Variants in OR2L13 observed in about 807,000 individuals in gnomAD.
OR2L13 encodes olfactory receptor family 2 subfamily L member 13, also known as olfactory receptor 2L13.
A neutral mutation model predicts 15.3 loss-of-function variants in OR2L13; 14 were observed. The observed-to-expected ratio is 0.91, with a 90% CI of 0.60 to 1.43. The LOEUF (loss-of-function observed/expected upper bound fraction) is 1.43, where lower values mean the gene tolerates loss of function less well. Ranked by LOEUF, OR2L13 falls within the 40% of genes most tolerant of loss-of-function variation. OR2L13 has a pLI of 0.00. For synonymous variants in OR2L13, 152 were observed against 142.9 expected, an observed-to-expected ratio of 1.06 and a Z score of -0.45; for missense variants, 367 against 387.9, an observed-to-expected ratio of 0.95 and a Z score of 0.45.
At chr1:247,979,915 T>C in the OR2L13 span, among the ~76,000 whole-genome samples, 2 of 152,202 alleles carry the variant, frequency 1.3e-5, no homozygotes, top group Non-Finnish European at 2.9e-5. Flanking sequence ...GAAATTTTCT[T>C]TGCTACCTAC....
the OR2L13 span, among the ~76,000 whole-genome samples, chr1:248,087,125 A>T: frequency 2.0e-5 from 3 of 152,118 alleles, no homozygotes; most frequent in Admixed American, 2.0e-4. Flanking sequence ...CCTACCCTCC[A>T]CAAAGGCAGT....
the OR2L13 span, among the ~76,000 whole-genome samples, chr1:248,076,287 T>C: frequency 6.6e-6 from 1 of 152,220 alleles, no homozygotes; most frequent in Non-Finnish European, 1.5e-5. Context: ...GCGTGATGCC[T>C]CCAGCTTTGT....
upstream of OR2L13, among the ~76,000 whole-genome samples, chr1:248,091,336 T>C (rs1225899452): frequency 2.0e-5 from 3 of 152,196 alleles, no homozygotes; most frequent in East Asian, 5.8e-4. Context: ...AATTTTAGTA[T>C]CTTCATTGTA....
exon 3 of OR2L13, chr1:248,100,592 A>C (rs1265679589): frequency 5.5e-6 from 1 of 181,710 alleles, no homozygotes; most frequent in African/African-American, 2.4e-5. Flanking sequence ...TTAACGTGAT[A>C]ATGTTTATTC....
At chr1:248,082,455 A>C in the OR2L13 span, among the ~76,000 whole-genome samples, 1 of 150,954 alleles carries the variant, frequency 6.6e-6, no homozygotes, top group African/African-American at 2.4e-5. Context: ...ATATGTAACT[A>C]ACCTGCACAA....
chr1:248,055,356 A>G, the OR2L13 span, among the ~76,000 whole-genome samples: 69 of 151,996 alleles, frequency 4.5e-4, no homozygotes, highest in African/African-American at 1.6e-3. Context: ...TATATTGAGT[A>G]TGTTTGCATT....
the OR2L13 span, among the ~76,000 whole-genome samples, chr1:248,009,204 C>CA: frequency 1.3e-5 from 2 of 151,428 alleles, no homozygotes; most frequent in Non-Finnish European, 1.5e-5. Context: ...GATAGAGACT[C>CA]AAAAAATCCT....
chr1:248,031,508 G>T, the OR2L13 span, among the ~76,000 whole-genome samples: 1 of 152,198 alleles, frequency 6.6e-6, no homozygotes, highest in Non-Finnish European at 1.5e-5. Context: ...TCTTTTAATG[G>T]GGTCTTGGTG....
At chr1:248,096,490 A>G (rs975363352), upstream of OR2L13, among the ~76,000 whole-genome samples, 4 of 152,214 alleles carry the variant, frequency 2.6e-5, no homozygotes, top group African/African-American at 2.4e-5. Flanking sequence ...TGACATTAAT[A>G]AAAACATTTT....
chr1:247,991,016 A>G, the OR2L13 span: 4 of 1,527,188 alleles, frequency 2.6e-6, no homozygotes, highest in Non-Finnish European at 3.6e-6. Flanking sequence ...GTGACTTTCT[A>G]CTATGCACCC....
At chr1:247,984,838 G>C in the OR2L13 span, among the ~76,000 whole-genome samples, 1 of 151,810 alleles carries the variant, frequency 6.6e-6, no homozygotes, top group Non-Finnish European at 1.5e-5. Flanking sequence ...CTCCAGAACA[G>C]TTTCATTGTC....
the OR2L13 span, among the ~76,000 whole-genome samples, chr1:247,974,577 T>C: frequency 6.6e-6 from 1 of 152,128 alleles, no homozygotes. Context: ...TTATCATAAG[T>C]ATATATGGAT....
chr1:248,059,890 G>T, the OR2L13 span, among the ~76,000 whole-genome samples: 1 of 151,976 alleles, frequency 6.6e-6, no homozygotes, highest in Non-Finnish European at 1.5e-5. Context: ...AAAATAGAAA[G>T]TTAACTAGGT....
At chr1:248,048,260 T>C in the OR2L13 span, among the ~76,000 whole-genome samples, 1 of 152,226 alleles carries the variant, frequency 6.6e-6, no homozygotes, top group African/African-American at 2.4e-5. Context: ...TTTATATTCT[T>C]TACTCCTTTA....
the OR2L13 span, among the ~76,000 whole-genome samples, chr1:247,954,268 A>G: frequency 1.9e-4 from 29 of 152,304 alleles, no homozygotes; most frequent in African/African-American, 6.0e-4. Context: ...CTGGAAAAAA[A>G]TAGACAATGA....
chr1:247,943,823 C>T, the OR2L13 span, among the ~76,000 whole-genome samples: 1 of 152,054 alleles, frequency 6.6e-6, no homozygotes, highest in African/African-American at 2.4e-5. Flanking sequence ...TTTTCTCTTA[C>T]ATTTAGATTT....
chr1:248,034,792 C>T, the OR2L13 span, among the ~76,000 whole-genome samples: 1 of 152,046 alleles, frequency 6.6e-6, no homozygotes, highest in Non-Finnish European at 1.5e-5. Flanking sequence ...AGTGTATAGC[C>T]ACTTGAAGCC....
the OR2L13 span, chr1:248,003,898 C>T: frequency 3.7e-6 from 6 of 1,612,600 alleles, no homozygotes; most frequent in Admixed American, 1.7e-5. Flanking sequence ...CTTTTGTCTA[C>T]ACCTATCTAC....
At chr1:247,995,703 A>G in the OR2L13 span, among the ~76,000 whole-genome samples, 4 of 152,196 alleles carry the variant, frequency 2.6e-5, no homozygotes, top group Non-Finnish European at 5.9e-5. Context: ...GATTTATTTT[A>G]TAATTCCTCT....
Sources: gnomAD v4.1 joint callset for allele counts (sites outside exome capture counted in the v4.1 genomes callset) on GRCh38, gnomAD v4.1.1 for gene constraint, MANE v1.5 for transcripts, NCBI Gene and HGNC (gene_info 2026-07-23, HGNC 2026-07-21) for gene names.